Variants in SYNE2 observed in about 807,000 individuals in gnomAD.
SYNE2 encodes nesprin-2.
In SYNE2, 431 loss-of-function variants were observed where a neutral mutation model predicts 856.3. That is an observed-to-expected ratio of 0.50 (90% CI 0.47 to 0.55). The LOEUF is 0.55. Ranked by LOEUF, SYNE2 falls within the 20% of genes least tolerant of loss-of-function variation. SYNE2 has a pLI of 0.00. For missense variants in SYNE2, 8,129 were observed against 8,023.2 expected, an observed-to-expected ratio of 1.01 and a Z score of -0.50; for synonymous variants, 2,923 against 2,872.3, an observed-to-expected ratio of 1.02 and a Z score of -0.56.
At chr14:63,842,075 C>G (rs538870819) in intron 1 of SYNE2, among the ~76,000 whole-genome samples, 1 of 152,042 alleles carries the variant, frequency 6.6e-6, no homozygotes, top group South Asian at 2.1e-4. Flanking sequence ...ACCTCATGAT[C>G]CGCTTGCCTC....
chr14:64,146,801 G>C (rs1286671896), intron 84 of SYNE2, among the ~76,000 whole-genome samples: 1 of 152,320 alleles, frequency 6.6e-6, no homozygotes, highest in African/African-American at 2.4e-5. Context: ...CCATTCAGAG[G>C]ACCTCTGCCA....
chr14:64,140,896 GTTTTTT>G (rs368961338), intron 80 of SYNE2, among the ~76,000 whole-genome samples: 36 of 146,964 alleles, frequency 2.4e-4, no homozygotes, highest in African/African-American at 8.0e-4. Flanking sequence ...GACTTTTCCT[GTTTTTT>G]TTTTATTTTT....
chr14:63,977,026 G>A (rs1380175431), intron 12 of SYNE2, among the ~76,000 whole-genome samples: 6 of 151,498 alleles, frequency 4.0e-5, no homozygotes, highest in African/African-American at 1.5e-4. Context: ...AGAAGGGGGA[G>A]CCTGATTTAA....
chr14:64,159,737 C>A (rs1036068790), intron 87 of SYNE2, among the ~76,000 whole-genome samples: 7 of 152,112 alleles, frequency 4.6e-5, no homozygotes, highest in African/African-American at 1.4e-4. Flanking sequence ...CTCGGAAACA[C>A]CAAAGTCAGA....
At chr14:63,836,595 A>C (rs1889865915) in intron 1 of SYNE2, among the ~76,000 whole-genome samples, 1 of 152,056 alleles carries the variant, frequency 6.6e-6, no homozygotes, top group South Asian at 2.1e-4. Flanking sequence ...GACACCCTAA[A>C]GTTTTGTTGG....
intron 3 of SYNE2, among the ~76,000 whole-genome samples, chr14:63,941,020 T>C (rs2095907310): frequency 6.6e-6 from 1 of 152,242 alleles, no homozygotes; most frequent in African/African-American, 2.4e-5. Flanking sequence ...TTAAGTGTAA[T>C]GATTATGACA....
intron 1 of SYNE2, among the ~76,000 whole-genome samples, chr14:63,856,219 G>T (rs989489018): frequency 2.6e-5 from 4 of 152,198 alleles, no homozygotes; most frequent in Admixed American, 2.6e-4. Flanking sequence ...CCTTTCTGGA[G>T]AAATTAACAT....
intron 14 of SYNE2, among the ~76,000 whole-genome samples, chr14:63,980,110 C>T (rs1028571557): frequency 2.0e-5 from 3 of 151,972 alleles, no homozygotes; most frequent in Non-Finnish European, 4.4e-5. Context: ...TTTCATTTTT[C>T]TATTTAAATA....
At chr14:63,822,910 C>T (rs971484196) in intron 1 of SYNE2, among the ~76,000 whole-genome samples, 1 of 151,964 alleles carries the variant, frequency 6.6e-6, no homozygotes, top group African/African-American at 2.4e-5. Context: ...TTGAGACCAG[C>T]GTGGGCAACA....
In SYNE2 at chr14:64,167,339, T is replaced by C; in HGVS notation, c.16712T>C (p.Met5571Thr). Residue 5571 changes from methionine (M) to threonine (T), a missense_variant, in exon 91 of 116, where the codon ATG becomes ACG. Transcript: ENST00000555002. ...GTAGCTGTGAAGACGTTACAAAATA[T>C]GAACCGGCAATGGATTCGGGCCACG... Reference protein sequence around the residue: ...SDVAVKTLQNMNRQWIRATAT... With the variant: ...SDVAVKTLQNTNRQWIRATAT... 3 of 1,614,238 alleles carry C rather than the reference T, an allele frequency of 1.9e-6. No homozygotes were observed. The highest frequency in any genetic ancestry group is 1.3e-5 in the African/African-American group (1 of 75,060).
intron 100 of SYNE2, among the ~76,000 whole-genome samples, chr14:64,206,390 G>A (rs372784417): frequency 2.0e-5 from 3 of 152,032 alleles, no homozygotes; most frequent in East Asian, 3.8e-4. Flanking sequence ...GATTATTTCA[G>A]CTTGCAAAAT....
At chr14:64,106,869 T>TA (rs2153649320) in intron 64 of SYNE2, among the ~76,000 whole-genome samples, 1 of 152,370 alleles carries the variant, frequency 6.6e-6, no homozygotes, top group African/African-American at 2.4e-5. Flanking sequence ...ACAAGGATTC[T>TA]AGTTATATTT....
chr14:64,085,314 G>A (rs764921956), intron 57 of SYNE2, among the ~76,000 whole-genome samples: 11 of 152,144 alleles, frequency 7.2e-5, no homozygotes, highest in Non-Finnish European at 1.2e-4. Context: ...AACCTTGGAA[G>A]TGACATCTCA....
intron 10 of SYNE2, among the ~76,000 whole-genome samples, chr14:63,966,048 G>A (rs2096386611): frequency 6.6e-6 from 1 of 152,110 alleles, no homozygotes; most frequent in Non-Finnish European, 1.5e-5. Flanking sequence ...TTAAAATGCT[G>A]TCAATAATTC....
chr14:63,876,698 G>A (rs533844553), intron 1 of SYNE2, among the ~76,000 whole-genome samples: 4 of 152,126 alleles, frequency 2.6e-5, no homozygotes, highest in South Asian at 4.1e-4. Context: ...GTGTTAGCCA[G>A]GATGGTCTCG....
chr14:63,828,837 T>C (rs1889560732), intron 1 of SYNE2, among the ~76,000 whole-genome samples: 1 of 152,156 alleles, frequency 6.6e-6, no homozygotes. Flanking sequence ...CGAGCATCCT[T>C]GCATTTTGGT....
chr14:63,895,727 A>C (rs1402192497), intron 1 of SYNE2, among the ~76,000 whole-genome samples: 1 of 141,234 alleles, frequency 7.1e-6, no homozygotes, highest in East Asian at 2.1e-4. Context: ...GAAATTGTGC[A>C]CTGTACTCCA....
chr14:64,171,977 A>G (rs575719213), intron 94 of SYNE2, among the ~76,000 whole-genome samples: 6 of 152,130 alleles, frequency 3.9e-5, no homozygotes, highest in African/African-American at 7.2e-5. Context: ...CAGCCTCCCA[A>G]GTAGCTGGGA....
At chr14:64,008,392 T>C (rs1378519611) in intron 31 of SYNE2, among the ~76,000 whole-genome samples, 1 of 152,146 alleles carries the variant, frequency 6.6e-6, no homozygotes, top group Admixed American at 6.5e-5. Flanking sequence ...GAGCATTACT[T>C]TACCACACGC....
Sources: gnomAD v4.1 joint callset for allele counts (sites outside exome capture counted in the v4.1 genomes callset) on GRCh38, gnomAD v4.1.1 for gene constraint, MANE v1.5 for transcripts, NCBI Gene and HGNC (gene_info 2026-07-23, HGNC 2026-07-21) for gene names.